Variants in PLCB2 observed in about 807,000 individuals in gnomAD.
PLCB2 encodes phospholipase C beta 2, also known as 1-phosphatidylinositol 4,5-bisphosphate phosphodiesterase beta-2.
A neutral mutation model predicts 141.7 loss-of-function variants in PLCB2; 115 were observed. The ratio of observed to expected loss-of-function variants is 0.81; its 90% CI spans 0.70 to 0.95. The LOEUF (loss-of-function observed/expected upper bound fraction) is 0.95, where lower values mean the gene tolerates loss of function less well. Among genes scored for constraint, PLCB2 ranks in the 40% least tolerant of loss-of-function variants. The pLI, the probability that PLCB2 is intolerant of heterozygous loss-of-function variation, is 0.00. For missense variants in PLCB2, 1,403 were observed against 1,541.1 expected (o/e 0.91, Z 1.50); for synonymous variants, 603 against 595.6 (o/e 1.01, Z -0.18).
intron 2 of PLCB2, 97 bp downstream of exon 2, chr15:40,303,904 C>A (rs2040656293): frequency 1.2e-6 from 1 of 845,362 alleles, no homozygotes; most frequent in Non-Finnish European, 2.0e-6. Context: ...TTCTGTACTC[C>A]CCAGCATCCA....
In PLCB2 at chr15:40,298,620, G is replaced by T. The variant is rs376178296; in HGVS notation, c.939C>A (p.Asp313Glu). The change falls in exon 10 of 32, where the codon GAC becomes GAA. Residue 313 changes from aspartate (D) to glutamate (E), a missense_variant. Physicochemically the swap from Asp to Glu is conservative, Grantham distance 45. Transcript: ENST00000260402. ...LAQDKLLLHH[D>E]MTQPLNHYFI... ...AGTAATGATTGAGTGGCTGCGTCAT[G>T]TCGTGGTGGAGCAGCAGCTTGTCCT... 85 of 1,614,126 alleles carry T rather than the reference G, an allele frequency of 5.3e-5. No homozygotes were observed. The highest frequency in any genetic ancestry group is 6.9e-5 in the Non-Finnish European group (82 of 1,180,036).
rs1473058607 is a variant in PLCB2, at chr15:40,298,291, C to T, written c.1087G>A (p.Gly363Arg). 6.2e-7 allele frequency: 1 copy of T among 1,605,040 alleles called. No individual in the cohort carries two copies. Among genetic ancestry groups the T allele is most frequent in the Admixed American group, 1.7e-5 (1 of 59,134 alleles). ...CRCVELDCWK[G>R]KPPDEEPIIT... ...ATGGGCTCCTCGTCAGGGGGTTTCC[C>T]CTTCCAGCAGTCTAGCTCCACGCAA... The change falls in exon 11 of 32, where the codon GGG (glycine) becomes AGG (arginine). Residue 363 changes from glycine to arginine, a missense_variant. By Grantham distance (125) the Gly-to-Arg change is moderately radical. Coordinates refer to ENST00000260402, the MANE Select transcript of PLCB2 (RefSeq NM_004573.3).
chr15:40,295,542 C>A (rs2040164520), intron 16 of PLCB2, among the ~76,000 whole-genome samples: 1 of 152,058 alleles, frequency 6.6e-6, no homozygotes, highest in Non-Finnish European at 1.5e-5. Context: ...GACCCACATG[C>A]CATAGATGGG....
At chr15:40,284,992 G>A (rs1305401580), downstream of PLCB2, among the ~76,000 whole-genome samples, 1 of 152,150 alleles carries the variant, frequency 6.6e-6, no homozygotes, top group Admixed American at 6.5e-5. Flanking sequence ...AAGAATGATG[G>A]TGTTCTCAGT....
chr15:40,287,070 A>T (rs1294874041), downstream of PLCB2, among the ~76,000 whole-genome samples: 1 of 152,198 alleles, frequency 6.6e-6, no homozygotes, highest in Non-Finnish European at 1.5e-5. Flanking sequence ...CTAGGCCCGA[A>T]TCCTCACCTT....
intron 27 of PLCB2, 85 bp from the exon 28 acceptor site, chr15:40,290,922 G>A: frequency 7.0e-7 from 1 of 1,421,996 alleles, no homozygotes; most frequent in Non-Finnish European, 9.6e-7. Context: ...GAGGGGAGTC[G>A]GTGAGGGGGT....
chr15:40,295,437 G>C, intron 16 of PLCB2, 152 bp from the exon 17 acceptor site: 1 of 633,462 alleles, frequency 1.6e-6, no homozygotes, highest in Admixed American at 2.5e-5. Flanking sequence ...CCAACCTCTG[G>C]GAGAAGTGTA....
intron 3 of PLCB2, 68 bp downstream of exon 3, chr15:40,303,220 G>A (rs935197170): frequency 2.4e-5 from 28 of 1,162,172 alleles, no homozygotes; most frequent in Non-Finnish European, 3.4e-5. Flanking sequence ...CCCGCACAGG[G>A]ACCCCTGCCC....
chr15:40,289,610 G>A, intron 30 of PLCB2: 1 of 557,850 alleles, frequency 1.8e-6, no homozygotes, highest in South Asian at 2.2e-5. Flanking sequence ...TGGCAGCTGT[G>A]TTCTGTGGTT....
At chr15:40,285,569 C>T (rs1326293858), downstream of PLCB2, 1 of 985,342 alleles carries the variant, frequency 1.0e-6, no homozygotes, top group Non-Finnish European at 1.2e-6. Context: ...GCTAGGGCCC[C>T]CTTCTGGGGT....
intron 7 of PLCB2, among the ~76,000 whole-genome samples, chr15:40,300,511 A>G (rs1168224770): frequency 6.6e-6 from 1 of 152,248 alleles, no homozygotes; most frequent in African/African-American, 2.4e-5. Flanking sequence ...AAACCCAAAC[A>G]TCTACCAACT....
chr15:40,293,097 G>C, intron 20 of PLCB2, 72 bp from the exon 21 acceptor site: 1 of 920,696 alleles, frequency 1.1e-6, no homozygotes, highest in Non-Finnish European at 1.7e-6. Flanking sequence ...CCTGGCTCCA[G>C]AAGTCTCAGC....
At position 40,292,918 on chromosome 15, in the gene PLCB2, C is replaced by T. The variant is rs1302479522; in HGVS notation, c.2326+8G>A. 1 of 1,569,056 alleles carries T rather than the reference C, an allele frequency of 6.4e-7. No individual in the cohort carries two copies. Among genetic ancestry groups the T allele is most frequent in the East Asian group, 2.3e-5 (1 of 44,250 alleles). On this transcript the variant is annotated splice_region_variant and intron_variant, in intron 21 of 31. Coordinates refer to ENST00000260402, the MANE Select transcript of PLCB2 (RefSeq NM_004573.3). ...GATCTTGGAACAGTGAAGGACCCCA[C>T]TCCTTACCAGAATTTAGGGCATTGA... is the stretch of plus-strand genomic sequence containing the variant.
intron 7 of PLCB2, 153 bp from the exon 8 acceptor site, chr15:40,299,381 G>C (rs1209441333): frequency 5.1e-6 from 3 of 593,724 alleles, no homozygotes; most frequent in Non-Finnish European, 9.1e-6. Context: ...CACTTCTCAA[G>C]GCCCTGGTTG....
chr15:40,297,735 A>G lies in PLCB2; in HGVS notation c.1239-130T>C, dbSNP rs2040298596. 1.1e-6 allele frequency: 1 copy of G among 936,964 alleles called. No homozygotes were observed. Among genetic ancestry groups the G allele is most frequent in the Admixed American group, 2.0e-5 (1 of 49,394 alleles). 58.0% of individuals were successfully genotyped at this position (936,964 alleles called of 1,614,324 possible). ...GAGGCTGGGACTCGAGCAGGAGAAC[A>G]TGAGGCCTTAGGGTGATTATACTGA... On this transcript the variant is annotated intron_variant, in intron 12 of 31. Coordinates refer to ENST00000260402, the MANE Select transcript of PLCB2 (RefSeq NM_004573.3). This position sits in a 1 kb window ranked among gnomAD's most constrained non-coding sequence, Gnocchi z 4.2.
chr15:40,292,246 C>T, intron 22 of PLCB2, 88 bp from the exon 23 acceptor site: 1 of 1,478,232 alleles, frequency 6.8e-7, no homozygotes. Context: ...CAGGATGCCC[C>T]ATCTGGATCC....
chr15:40,291,866 G>C lies in PLCB2; in HGVS notation c.2585C>G (p.Thr862Arg). The C allele has an allele frequency of 6.2e-7, 1 of 1,614,104 alleles. No homozygotes were observed. Among genetic ancestry groups the C allele is most frequent in the Non-Finnish European group, 8.5e-7 (1 of 1,179,944 alleles). The part of the protein sequence containing the change: ...ASQVNGALAP[T>R]SNGSPAARAG... ...GCTCATACCTGGTGACCCATTGCTC[G>C]TTGGGGCCAACGCCCCATTGACCTG... Residue 862 changes from threonine to arginine, a missense_variant, in exon 24 of 32, where the codon ACG becomes AGG. By Grantham distance (71) the Thr-to-Arg change is moderately conservative (BLOSUM62 -1). This residue lies in a region of PLCB2 where 975 missense variants were observed against 1,141.1 expected (regional missense o/e 0.85). Coordinates refer to ENST00000260402, the MANE Select transcript of PLCB2 (RefSeq NM_004573.3).
intron 7 of PLCB2, chr15:40,301,689 A>G: frequency 1.4e-6 from 1 of 703,772 alleles, no homozygotes; most frequent in Non-Finnish European, 2.6e-6. Flanking sequence ...CCCTGAACAC[A>G]GTCCATCAAC....
Position 40,290,617 on chromosome 15 carries a change from C to A in PLCB2, c.3169G>T (p.Gly1057Cys). ...TTGTCTGTGGTGACTTTGGTCATGC[C>A]CTGGATCCGCTCCAGTCTCTTTGTC... Reference protein sequence around the residue: ...LETKRLERIQGMTKVTTDKMA... With the variant: ...LETKRLERIQCMTKVTTDKMA... The change falls in exon 29 of 32, where the codon GGC (glycine) becomes TGC (cysteine). Residue 1057 changes from glycine (G) to cysteine (C), a missense_variant. By Grantham distance (159) the Gly-to-Cys change is radical. This residue lies in a region of PLCB2 where 290 missense variants were observed against 245.9 expected (regional missense o/e 1.18). Coordinates refer to ENST00000260402, the MANE Select transcript of PLCB2 (RefSeq NM_004573.3). 6.2e-7 allele frequency: 1 copy of A among 1,614,136 alleles called. No individual in the cohort carries two copies. The highest frequency in any genetic ancestry group is 1.7e-5 in the Admixed American group (1 of 60,022).
Sources: allele counts gnomAD v4.1 joint callset (sites outside exome capture counted in the v4.1 genomes callset), GRCh38; gene constraint gnomAD v4.1.1; regional missense constraint gnomAD v4.1.1; non-coding constraint Gnocchi (gnomAD v3.1); transcripts MANE v1.5; gene names NCBI Gene and HGNC (gene_info 2026-07-23, HGNC 2026-07-21).